MAP3K3: variants seen among roughly 807,000 people sequenced by gnomAD.
MAP3K3 encodes the protein mitogen-activated protein kinase kinase kinase 3.
Under a neutral mutation model 80.9 loss-of-function variants are expected in MAP3K3, and 12 were observed. The ratio of observed to expected loss-of-function variants is 0.15; its 90% CI spans 0.10 to 0.24. MAP3K3 has a LOEUF of 0.24. Among genes scored for constraint, MAP3K3 ranks in the 10% least tolerant of loss-of-function variants. MAP3K3 has a pLI of 1.00. For synonymous variants in MAP3K3, 272 were observed against 307.1 expected (o/e 0.89, Z 1.19); for missense variants, 596 against 834.7 (o/e 0.71, Z 3.52).
rs545223993 is a variant in MAP3K3, at chr17:63,641,096, A to G, written c.127-4938A>G. ...AGACCTGTATTACCATTTACCAACC[A>G]CTTGTATATCAGGTACTGTTCTAAT... On this transcript the variant is annotated intron_variant, in intron 2 of 15. Transcript: ENST00000361733. Among the ~76,000 whole-genome samples the G allele has an allele frequency of 1.9e-3, 282 of 152,300 alleles. 1 individual carries two copies. The highest frequency in any genetic ancestry group is 2.7e-3 in the Non-Finnish European group (186 of 68,028).
chr17:63,651,018 A>G (rs2034645003), intron 3 of MAP3K3, among the ~76,000 whole-genome samples: 1 of 151,944 alleles, frequency 6.6e-6, no homozygotes. Context: ...ATTTGAGAGT[A>G]TGTGTGTGTA....
chr17:63,632,540 T>G, intron 1 of MAP3K3, 141 bp from the exon 2 acceptor site: 1 of 873,686 alleles, frequency 1.1e-6, no homozygotes. Context: ...AGTCTGACCT[T>G]TTGGGCTGCA....
intron 6 of MAP3K3, among the ~76,000 whole-genome samples, chr17:63,669,239 G>A (rs1355825524): frequency 1.3e-5 from 2 of 152,172 alleles, no homozygotes; most frequent in Admixed American, 6.5e-5. Flanking sequence ...GATTTCCACA[G>A]GGGACAAGGG....
chr17:63,644,722 A>G (rs2034507950), intron 2 of MAP3K3, among the ~76,000 whole-genome samples: 1 of 152,172 alleles, frequency 6.6e-6, no homozygotes, highest in Non-Finnish European at 1.5e-5. Flanking sequence ...GGAGTCCTTT[A>G]GGCATCTACC....
intron 1 of MAP3K3, among the ~76,000 whole-genome samples, chr17:63,629,184 G>A (rs140574864): frequency 9.2e-5 from 14 of 151,678 alleles, no homozygotes; most frequent in Middle Eastern, 3.4e-3. Flanking sequence ...GTTCAGTAGC[G>A]CTATCTCAGC....
At chr17:63,666,908 T>A in intron 5 of MAP3K3, 32 bp from the exon 6 acceptor site, 1 of 1,611,464 alleles carries the variant, frequency 6.2e-7, no homozygotes, top group Admixed American at 1.7e-5. Flanking sequence ...TGTGTAAAGA[T>A]GTAGCTTGGC....
chr17:63,623,621 A>T (rs1235950156), intron 1 of MAP3K3, among the ~76,000 whole-genome samples: 1 of 152,210 alleles, frequency 6.6e-6, no homozygotes, highest in Non-Finnish European at 1.5e-5. Context: ...CGCACGTAGC[A>T]TTTGAGTTGA....
In MAP3K3 at chr17:63,689,389, G is replaced by A. The variant is rs758009711; in HGVS notation, c.872-155G>A. 9.5e-5 allele frequency: 59 copies of A among 621,644 alleles called. No homozygotes were observed. Among genetic ancestry groups the A allele is most frequent in the Non-Finnish European group, 1.4e-4 (50 of 358,760 alleles). 38.5% of individuals were successfully genotyped at this position (621,644 alleles called of 1,614,324 possible). ...GAATGAGTCAGGTGGGAGTGCGGACGGGATGGGCTGGAGCTGGTATTATCT... is the reference window on the plus strand; with the variant it reads ...GAATGAGTCAGGTGGGAGTGCGGACAGGATGGGCTGGAGCTGGTATTATCT... On this transcript the variant is annotated intron_variant, in intron 10 of 15. Transcript: ENST00000361733. The surrounding 1 kb of genome is among the most constrained non-coding windows in gnomAD (Gnocchi z 4.3).
chr17:63,659,525 CTTTTTTTTTTT>C (rs57166616), intron 5 of MAP3K3, among the ~76,000 whole-genome samples: 12 of 64,580 alleles, frequency 1.9e-4, no homozygotes, highest in Non-Finnish European at 3.0e-4. Context: ...CTGTCATGGA[CTTTTTTTTTTT>C]TTTTTTTTTT....
chr17:63,651,217 C>T (rs1324371262), intron 3 of MAP3K3, among the ~76,000 whole-genome samples: 1 of 151,842 alleles, frequency 6.6e-6, no homozygotes, highest in Non-Finnish European at 1.5e-5. Flanking sequence ...AGCATGGTGG[C>T]TTACACCTAT....
At chr17:63,684,272 T>G (rs2035402040) in intron 7 of MAP3K3, among the ~76,000 whole-genome samples, 1 of 152,244 alleles carries the variant, frequency 6.6e-6, no homozygotes, top group Non-Finnish European at 1.5e-5. Flanking sequence ...AGGCCTCTTG[T>G]GAATCTTTGG....
chr17:63,675,632 A>T (rs2035203403), intron 6 of MAP3K3, among the ~76,000 whole-genome samples: 1 of 152,080 alleles, frequency 6.6e-6, no homozygotes, highest in African/African-American at 2.4e-5. Context: ...GGCAGCTTAA[A>T]CCCCGCTTTT....
intron 4 of MAP3K3, among the ~76,000 whole-genome samples, chr17:63,654,190 C>T (rs1214871149): frequency 6.6e-6 from 1 of 152,022 alleles, no homozygotes; most frequent in Non-Finnish European, 1.5e-5. Context: ...TTTATCACTC[C>T]AAAGAGAAAC....
At chr17:63,639,786 G>GTAGGAGAT (rs1427287670) in intron 2 of MAP3K3, among the ~76,000 whole-genome samples, 2 of 152,166 alleles carry the variant, frequency 1.3e-5, no homozygotes, top group African/African-American at 2.4e-5. Flanking sequence ...CTGGAAAGTT[G>GTAGGAGAT]TAGGAGATCA....
rs181304887 is a variant in MAP3K3, at chr17:63,689,449, G to A, written c.872-95G>A. 4.2e-4 allele frequency: 461 copies of A among 1,091,326 alleles called. 2 individuals are homozygous for A. The highest frequency in any genetic ancestry group is 3.3e-3 in the Middle Eastern group (14 of 4,272). 67.6% of individuals were successfully genotyped at this position (1,091,326 alleles called of 1,614,324 possible). On this transcript the variant is annotated intron_variant, in intron 10 of 15. Coordinates refer to ENST00000361733, the MANE Select transcript of MAP3K3 (RefSeq NM_002401.5). This position sits in a 1 kb window ranked among gnomAD's most constrained non-coding sequence, Gnocchi z 4.3. ...GGCTGAGACCTGGTTTGTATATTCC[G>A]CCTTGTAGCCCGGGGTGTCTCAGAC...
At chr17:63,675,986 C>T (rs1035176881) in intron 6 of MAP3K3, among the ~76,000 whole-genome samples, 3 of 152,162 alleles carry the variant, frequency 2.0e-5, no homozygotes, top group Non-Finnish European at 4.4e-5. Context: ...TCATTGGCTC[C>T]CAATTTCTGA....
chr17:63,651,541 C>G (rs751740583), intron 3 of MAP3K3, among the ~76,000 whole-genome samples: 32 of 152,162 alleles, frequency 2.1e-4, no homozygotes, highest in Non-Finnish European at 3.7e-4. Flanking sequence ...CAAAAGTAGA[C>G]AGAGTATTAA....
chr17:63,648,433 C>T (rs1339149023), intron 3 of MAP3K3, among the ~76,000 whole-genome samples: 4 of 152,156 alleles, frequency 2.6e-5, no homozygotes, highest in African/African-American at 9.7e-5. Context: ...GCTATCCTCT[C>T]AAAAGGCTTC....
intron 2 of MAP3K3, chr17:63,634,668 A>C (rs1279921572): frequency 2.0e-6 from 3 of 1,512,146 alleles, no homozygotes; most frequent in Non-Finnish European, 2.7e-6. Flanking sequence ...ATGTTGCACG[A>C]AGGATACAAA....
Sources: allele counts gnomAD v4.1 joint callset (sites outside exome capture counted in the v4.1 genomes callset), GRCh38; gene constraint gnomAD v4.1.1; non-coding constraint Gnocchi (gnomAD v3.1); transcripts MANE v1.5; gene names NCBI Gene and HGNC (gene_info 2026-07-23, HGNC 2026-07-21).